PTK2: variants seen among roughly 807,000 people sequenced by gnomAD.
The protein encoded by PTK2 is focal adhesion kinase 1.
A neutral mutation model predicts 150.1 loss-of-function variants in PTK2; 45 were observed. That is an observed-to-expected ratio of 0.30 (90% confidence interval 0.24 to 0.38). The LOEUF is 0.38. PTK2 is among the 10% of genes least tolerant of loss of function. The probability of loss-of-function intolerance (pLI) is 1.00; values close to 1 mark genes in which losing one functional copy is unlikely to be tolerated. For synonymous variants in PTK2, 432 were observed against 449.2 expected, an observed-to-expected ratio of 0.96 and a Z score of 0.48; for missense variants, 919 against 1,307.3, an observed-to-expected ratio of 0.70 and a Z score of 4.58.
chr8:140,999,521 TTGTTTGA>T, intron 1 of PTK2, among the ~76,000 whole-genome samples: 1 of 152,372 alleles, frequency 6.6e-6, no homozygotes, highest in East Asian at 1.9e-4. Context: ...AAAATGTTCC[TTGTTTGA>T]ATATCATAGG....
intron 14 of PTK2, among the ~76,000 whole-genome samples, chr8:140,779,515 C>T (rs1229510139): frequency 6.6e-6 from 1 of 152,140 alleles, no homozygotes; most frequent in Non-Finnish European, 1.5e-5. Context: ...TTCTCAGACA[C>T]CATCAGTAGG....
chr8:140,993,539 T>C (rs2100196536), intron 1 of PTK2, among the ~76,000 whole-genome samples: 1 of 152,174 alleles, frequency 6.6e-6, no homozygotes, highest in South Asian at 2.1e-4. Context: ...TACTACAAAA[T>C]ATGTAACACA....
At chr8:140,682,841 A>G (rs1398578859) in intron 27 of PTK2, among the ~76,000 whole-genome samples, 1 of 152,222 alleles carries the variant, frequency 6.6e-6, no homozygotes, top group African/African-American at 2.4e-5. Flanking sequence ...TCTCTTGAAC[A>G]CAGCTAAGGC....
intron 1 of PTK2, among the ~76,000 whole-genome samples, chr8:140,969,843 T>C (rs1024317056): frequency 3.3e-5 from 5 of 152,242 alleles, no homozygotes; most frequent in African/African-American, 1.2e-4. Context: ...TACCACCTTC[T>C]ATATTCACCT....
At chr8:140,909,535 A>G (rs1228498158) in intron 2 of PTK2, 1 of 152,230 alleles carries the variant, frequency 6.6e-6, no homozygotes, top group Non-Finnish European at 1.5e-5. Flanking sequence ...CAAGATCTTC[A>G]AGAGGAGCAG....
intron 7 of PTK2, among the ~76,000 whole-genome samples, chr8:140,839,723 G>A (rs1053609178): frequency 1.3e-5 from 2 of 152,064 alleles, no homozygotes; most frequent in Non-Finnish European, 2.9e-5. Context: ...TAGAAAACAC[G>A]AAAAATGTAA....
chr8:140,833,486 A>AT (rs1433613401), intron 7 of PTK2, among the ~76,000 whole-genome samples: 1 of 152,226 alleles, frequency 6.6e-6, no homozygotes, highest in Non-Finnish European at 1.5e-5. Context: ...AGATATCTAA[A>AT]TTTAAAGCCT....
chr8:140,751,187 G>C (rs2100062452), intron 17 of PTK2, among the ~76,000 whole-genome samples: 1 of 152,014 alleles, frequency 6.6e-6, no homozygotes, highest in Non-Finnish European at 1.5e-5. Flanking sequence ...TTGTTTTTTG[G>C]AGACAGGGTC....
chr8:140,789,767 T>C (rs2100087383), intron 13 of PTK2, among the ~76,000 whole-genome samples: 1 of 152,106 alleles, frequency 6.6e-6, no homozygotes, highest in African/African-American at 2.4e-5. Flanking sequence ...TTGACAATAA[T>C]TTAAAACAAT....
At chr8:140,877,600 T>C (rs911722188) in intron 4 of PTK2, among the ~76,000 whole-genome samples, 3 of 152,090 alleles carry the variant, frequency 2.0e-5, no homozygotes, top group Admixed American at 6.6e-5. Context: ...GTAAGCAGCA[T>C]ACAGATGGCA....
intron 2 of PTK2, among the ~76,000 whole-genome samples, chr8:140,895,711 A>G (rs998837533): frequency 1.3e-5 from 2 of 152,198 alleles, no homozygotes; most frequent in Non-Finnish European, 2.9e-5. Flanking sequence ...AAGAACTAAG[A>G]GTATAATTAG....
At chr8:140,796,357 T>G (rs1453535063) in intron 12 of PTK2, among the ~76,000 whole-genome samples, 2 of 152,040 alleles carry the variant, frequency 1.3e-5, no homozygotes, top group African/African-American at 4.8e-5. Flanking sequence ...AAGACCAAAT[T>G]TAGAGTAACT....
intron 16 of PTK2, among the ~76,000 whole-genome samples, chr8:140,758,316 T>C (rs190726726): frequency 3.0e-4 from 45 of 152,328 alleles, no homozygotes; most frequent in African/African-American, 9.9e-4. Flanking sequence ...ATTGAACTCC[T>C]GGGTTCGAGT....
chr8:140,946,928 C>T (rs914952518), intron 1 of PTK2, among the ~76,000 whole-genome samples: 1 of 152,104 alleles, frequency 6.6e-6, no homozygotes, highest in Non-Finnish European at 1.5e-5. Context: ...AATCTTTGAC[C>T]AATATTACTA....
intron 1 of PTK2, among the ~76,000 whole-genome samples, chr8:140,950,408 G>A (rs2154609081): frequency 6.6e-6 from 1 of 152,340 alleles, no homozygotes; most frequent in South Asian, 2.1e-4. Context: ...AGTACATCTG[G>A]TCCAGCTGCA....
At chr8:140,680,015 G>A (rs559946668) in intron 27 of PTK2, among the ~76,000 whole-genome samples, 6 of 152,266 alleles carry the variant, frequency 3.9e-5, no homozygotes, top group Admixed American at 1.3e-4. Flanking sequence ...CATAAATGGG[G>A]GCACTTAGGC....
intron 2 of PTK2, among the ~76,000 whole-genome samples, chr8:140,900,547 C>T (rs1208086477): frequency 1.3e-5 from 2 of 151,856 alleles, no homozygotes; most frequent in East Asian, 1.9e-4. Context: ...CATGGCGAAA[C>T]CCCATCTCTA....
intron 22 of PTK2, among the ~76,000 whole-genome samples, chr8:140,724,770 CT>C: frequency 6.6e-6 from 1 of 152,306 alleles, no homozygotes; most frequent in Non-Finnish European, 1.5e-5. Flanking sequence ...TGGAATTGGC[CT>C]TTTAAAAACA....
intron 1 of PTK2, among the ~76,000 whole-genome samples, chr8:140,952,814 T>G (rs1433572891): frequency 6.6e-6 from 1 of 152,144 alleles, no homozygotes; most frequent in Non-Finnish European, 1.5e-5. Context: ...TTACCCTCAA[T>G]TGTACGATTT....
Sources: allele counts gnomAD v4.1 joint callset (sites outside exome capture counted in the v4.1 genomes callset), GRCh38; gene constraint gnomAD v4.1.1; transcripts MANE v1.5; gene names NCBI Gene and HGNC (gene_info 2026-07-23, HGNC 2026-07-21).